MICAL3: variants seen among roughly 807,000 people sequenced by gnomAD.
MICAL3 encodes microtubule associated monooxygenase, calponin and LIM domain containing 3, also known as [F-actin]-monooxygenase MICAL3.
In MICAL3, 62 loss-of-function variants were observed where a neutral mutation model predicts 207.4. The observed-to-expected ratio is 0.30, with a 90% CI of 0.24 to 0.37. The LOEUF (loss-of-function observed/expected upper bound fraction) is 0.37, where lower values mean the gene tolerates loss of function less well. MICAL3 is among the 10% of genes least tolerant of loss of function. The pLI is 1.00. For missense variants in MICAL3, 2,368 were observed against 2,635.6 expected, an observed-to-expected ratio of 0.90 and a Z score of 2.22; for synonymous variants, 1,077 against 1,069.3, an observed-to-expected ratio of 1.01 and a Z score of -0.14.
chr22:17,939,492 C>A (rs149904655), intron 1 of MICAL3, among the ~76,000 whole-genome samples: 1 of 152,296 alleles, frequency 6.6e-6, no homozygotes, highest in African/African-American at 2.4e-5. Context: ...TCCCTGCCAT[C>A]CCCCTAGGAG....
intron 9 of MICAL3, among the ~76,000 whole-genome samples, 168 bp downstream of exon 9, chr22:17,896,070 TTAGGTTTC>T (rs759114853): frequency 2.6e-5 from 4 of 152,226 alleles, no homozygotes; most frequent in Non-Finnish European, 5.9e-5. Context: ...AGACTCATCT[TTAGGTTTC>T]TATGATTTTA....
At chr22:18,011,720 T>A (rs927550373) in intron 1 of MICAL3, among the ~76,000 whole-genome samples, 5 of 147,604 alleles carry the variant, frequency 3.4e-5, no homozygotes, top group Admixed American at 1.4e-4. Context: ...GTAAATATAC[T>A]AATTAAATAT....
intron 29 of MICAL3, among the ~76,000 whole-genome samples, chr22:17,799,095 A>G (rs375269670): frequency 6.6e-6 from 1 of 152,210 alleles, no homozygotes; most frequent in Non-Finnish European, 1.5e-5. Context: ...TTAAACTTTC[A>G]GAAAGCAGCC....
chr22:17,972,359 C>T (rs1332882637), intron 1 of MICAL3, among the ~76,000 whole-genome samples: 2 of 152,168 alleles, frequency 1.3e-5, no homozygotes, highest in Admixed American at 1.3e-4. Flanking sequence ...GTGGTGACAA[C>T]GGGTTTCCCA....
intron 12 of MICAL3, among the ~76,000 whole-genome samples, chr22:17,890,471 CCTTT>C (rs1569118407): frequency 6.6e-6 from 1 of 152,162 alleles, no homozygotes; most frequent in African/African-American, 2.4e-5. Context: ...TGCCCTACCC[CCTTT>C]CTTTGGCAGG....
chr22:17,807,822 TCA>T (rs1569072982), intron 29 of MICAL3, among the ~76,000 whole-genome samples: 2 of 152,218 alleles, frequency 1.3e-5, no homozygotes, highest in East Asian at 1.9e-4. Flanking sequence ...TTCGTCCATT[TCA>T]CAGAGAGCCT....
At chr22:17,952,901 C>G (rs975162505) in intron 1 of MICAL3, among the ~76,000 whole-genome samples, 1 of 152,196 alleles carries the variant, frequency 6.6e-6, no homozygotes, top group African/African-American at 2.4e-5. Flanking sequence ...CAACACCCAC[C>G]TCAGAGCACG....
intron 1 of MICAL3, among the ~76,000 whole-genome samples, chr22:17,979,495 A>C (rs775320258): frequency 9.9e-5 from 15 of 152,214 alleles, no homozygotes; most frequent in Non-Finnish European, 2.1e-4. Context: ...CAGTGAGCCA[A>C]GATCGAGCCA....
chr22:17,918,748 C>T (rs1012843436), intron 1 of MICAL3, among the ~76,000 whole-genome samples: 1 of 152,140 alleles, frequency 6.6e-6, no homozygotes, highest in Non-Finnish European at 1.5e-5. Context: ...CTACCAGACA[C>T]CCTCTCACCT....
intron 29 of MICAL3, among the ~76,000 whole-genome samples, chr22:17,804,447 G>A (rs1363551191): frequency 1.3e-5 from 2 of 152,194 alleles, no homozygotes; most frequent in Admixed American, 6.5e-5. Flanking sequence ...ATCCTGTTTC[G>A]AGGCTTAGGC....
intron 20 of MICAL3, among the ~76,000 whole-genome samples, chr22:17,835,935 C>T (rs751343852): frequency 5.3e-5 from 8 of 152,204 alleles, no homozygotes; most frequent in East Asian, 3.8e-4. Context: ...GGCAGGCTTA[C>T]GCTACTTTCA....
At position 17,793,035 on chromosome 22, in the gene MICAL3, G is replaced by A. The variant is rs1469968747; in HGVS notation, c.5651-1734C>T. Among the ~76,000 whole-genome samples the A allele has an allele frequency of 5.9e-5, 9 of 152,160 alleles. No homozygotes were observed. Among genetic ancestry groups the A allele is most frequent in the African/African-American group, 1.2e-4 (5 of 41,434 alleles). The stretch of plus-strand genomic sequence containing the variant: ...TCTCTCCCGCTGCCCACCTCCCCAC[G>A]AAGATACAGAAAATGCCACCGGAGA... On this transcript the variant is annotated intron_variant, in intron 29 of 31. Transcript: ENST00000441493. The surrounding 1 kb of genome is among the most constrained non-coding windows in gnomAD (Gnocchi z 4.1).
Position 17,900,749 on chromosome 22 carries a change from CCGA to C in MICAL3, c.847+90_847+92del. On this transcript the variant is annotated intron_variant, in intron 6 of 31. Transcript: ENST00000441493. This position sits in a 1 kb window ranked among gnomAD's most constrained non-coding sequence, Gnocchi z 4.0. ...AGGGGCAGACAGTGCAGGAGGGACA[CCGA>C]CGGCCACTCACCCCACCAATCCCCC... The C allele has an allele frequency of 9.0e-7, 1 of 1,116,386 alleles. No homozygotes were observed. The highest frequency in any genetic ancestry group is 1.3e-6 in the Non-Finnish European group (1 of 755,014). The allele number at this position is 1,116,386 out of a possible 1,614,324, so 69.2% of individuals were successfully genotyped here.
At chr22:18,006,866 T>G (rs1346170873) in intron 1 of MICAL3, among the ~76,000 whole-genome samples, 1 of 152,222 alleles carries the variant, frequency 6.6e-6, no homozygotes, top group Non-Finnish European at 1.5e-5. Context: ...TGATTTCTTT[T>G]TTTGTTTTGA....
intron 16 of MICAL3, chr22:17,872,657 G>C (rs1199507554): frequency 2.5e-6 from 2 of 810,308 alleles, no homozygotes; most frequent in African/African-American, 3.4e-5. Context: ...GCATACACGG[G>C]CTATGCAAGC....
intron 1 of MICAL3, among the ~76,000 whole-genome samples, chr22:17,995,316 A>G (rs1246954928): frequency 6.6e-6 from 1 of 151,658 alleles, no homozygotes; most frequent in Non-Finnish European, 1.5e-5. Context: ...AGCTGCGACT[A>G]TAGGTGTACA....
In MICAL3 at chr22:17,900,735, G is replaced by T; in HGVS notation, c.847+107C>A. On this transcript the variant is annotated intron_variant, in intron 6 of 31. Coordinates refer to ENST00000441493, the MANE Select transcript of MICAL3 (RefSeq NM_015241.3). The surrounding 1 kb of genome is among the most constrained non-coding windows in gnomAD (Gnocchi z 4.0). ...GTGAAAAGAGCAGGAGGGGCAGACA[G>T]TGCAGGAGGGACACCGACGGCCACT... 2.2e-6 allele frequency: 2 copies of T among 896,700 alleles called. No individual in the cohort carries two copies. Among genetic ancestry groups the T allele is most frequent in the Non-Finnish European group, 3.5e-6 (2 of 565,246 alleles). 55.5% of individuals were successfully genotyped at this position (896,700 alleles called of 1,614,324 possible).
chr22:17,949,600 T>C (rs1278166703), intron 1 of MICAL3, among the ~76,000 whole-genome samples: 1 of 152,202 alleles, frequency 6.6e-6, no homozygotes, highest in Non-Finnish European at 1.5e-5. Context: ...TTTATAAGCG[T>C]GCATGCCACA....
At chr22:18,012,536 C>T (rs1256709720) in intron 1 of MICAL3, among the ~76,000 whole-genome samples, 1 of 152,192 alleles carries the variant, frequency 6.6e-6, no homozygotes, top group African/African-American at 2.4e-5. Flanking sequence ...GGGTGCATTG[C>T]CCATAAGTGC....
Sources: gnomAD v4.1 joint callset for allele counts (sites outside exome capture counted in the v4.1 genomes callset) on GRCh38, gnomAD v4.1.1 for gene constraint, Gnocchi (gnomAD v3.1) non-coding constraint, MANE v1.5 for transcripts, NCBI Gene and HGNC (gene_info 2026-07-23, HGNC 2026-07-21) for gene names.